SYNE2: variants seen among roughly 807,000 people sequenced by gnomAD.
SYNE2 encodes the protein nesprin-2.
SYNE2 carries 431 observed loss-of-function variants against 856.3 expected under a neutral mutation model. That is an observed-to-expected ratio of 0.50 (90% CI 0.47 to 0.55). SYNE2 has a LOEUF of 0.55. SYNE2 is among the 20% of genes least tolerant of loss of function. The pLI is 0.00. For synonymous variants in SYNE2, 2,923 were observed against 2,872.3 expected (o/e 1.02, Z -0.56); for missense variants, 8,129 against 8,023.2 (o/e 1.01, Z -0.50).
chr14:63,859,618 A>T (rs1391547942), intron 1 of SYNE2, among the ~76,000 whole-genome samples: 2 of 152,186 alleles, frequency 1.3e-5, no homozygotes, highest in Non-Finnish European at 2.9e-5. Flanking sequence ...AGAGCTGGAG[A>T]CCAGCCTGGC....
At chr14:63,900,573 G>A (rs112644085) in intron 1 of SYNE2, among the ~76,000 whole-genome samples, 5,929 of 152,196 alleles carry the variant, frequency 0.039, 404 homozygotes, top group African/African-American at 0.14. Flanking sequence ...ATGACACGTG[G>A]GAATTGTGGG....
intron 94 of SYNE2, among the ~76,000 whole-genome samples, chr14:64,171,740 G>A (rs2098411948): frequency 6.6e-6 from 1 of 152,236 alleles, no homozygotes; most frequent in Non-Finnish European, 1.5e-5. Context: ...AAGGCGGGTA[G>A]GGAGGAGTGT....
chr14:63,829,090 G>A (rs2139889530), intron 1 of SYNE2, among the ~76,000 whole-genome samples: 1 of 152,124 alleles, frequency 6.6e-6, no homozygotes, highest in Non-Finnish European at 1.5e-5. Flanking sequence ...TATTGCTGAT[G>A]GACATGTAAA....
At chr14:63,782,143 A>AC (rs1421318445) in intron 1 of SYNE2, among the ~76,000 whole-genome samples, 3 of 151,590 alleles carry the variant, frequency 2.0e-5, no homozygotes, top group East Asian at 1.9e-4. Flanking sequence ...CTCAAAAAAA[A>AC]AAAACCAAAA....
At chr14:63,815,773 A>T (rs1888955519) in intron 1 of SYNE2, among the ~76,000 whole-genome samples, 1 of 152,102 alleles carries the variant, frequency 6.6e-6, no homozygotes. Flanking sequence ...TGGGCCACTC[A>T]GAAAATTCAC....
chr14:64,132,758 C>G (rs939609613), intron 77 of SYNE2, among the ~76,000 whole-genome samples: 1 of 152,182 alleles, frequency 6.6e-6, no homozygotes, highest in Admixed American at 6.5e-5. Flanking sequence ...AAAAACTGTA[C>G]TTCTTCAAGA....
In SYNE2 at chr14:64,150,164, C is replaced by T. The variant is rs527761564; in HGVS notation, c.15640-2400C>T. Among the ~76,000 whole-genome samples the T allele has an allele frequency of 7.5e-3, 1,123 of 150,394 alleles. 5 individuals are homozygous for T. Among genetic ancestry groups the T allele is most frequent in the South Asian group, 0.014 (66 of 4,742 alleles). ...GCTCAAAATTAGCTGGGCATGGTGG[C>T]ACATGCCTGTAGCCTCAGCTACTTG... On this transcript the variant is annotated intron_variant, in intron 84 of 115. Transcript: ENST00000555002.
chr14:64,134,455 C>T (rs1307894465), intron 78 of SYNE2, among the ~76,000 whole-genome samples: 1 of 152,122 alleles, frequency 6.6e-6, no homozygotes, highest in African/African-American at 2.4e-5. Flanking sequence ...ACCTTGCTGT[C>T]CCTAAGCCTC....
Position 64,214,371 on chromosome 14 carries a change from G to A in SYNE2, c.19234G>A (p.Val6412Met), listed in dbSNP as rs755527635. 1.5e-5 allele frequency: 24 copies of A among 1,614,008 alleles called. No homozygotes were observed. The highest frequency in any genetic ancestry group is 3.3e-5 in the Admixed American group (2 of 59,990). The change falls in exon 106 of 116, where the codon GTG becomes ATG. Residue 6412 changes from valine (V) to methionine (M), a missense_variant. By Grantham distance (21) the Val-to-Met change is conservative. This residue lies in a region of SYNE2 where 5,410 missense variants were observed against 5,284.8 expected (regional missense o/e 1.02). Coordinates refer to ENST00000555002, the MANE Select transcript of SYNE2 (RefSeq NM_182914.3). ...ERSGCETPVS[V>M]DSIPLEWDHT... The stretch of plus-strand genomic sequence containing the variant: ...GTCTGGCTGCGAGACCCCTGTCAGC[G>A]TGGACTCCATCCCCCTGGAGTGGGA...
chr14:63,901,440 G>T (rs900478646), intron 1 of SYNE2, among the ~76,000 whole-genome samples: 1 of 151,846 alleles, frequency 6.6e-6, no homozygotes, highest in Non-Finnish European at 1.5e-5. Context: ...TTTTAAAAAC[G>T]CAGATAAAAA....
chr14:64,209,358 G>T, intron 101 of SYNE2, 70 bp from the exon 102 acceptor site: 1 of 1,612,830 alleles, frequency 6.2e-7, no homozygotes, highest in South Asian at 1.1e-5. Flanking sequence ...CGGGTGTCAG[G>T]GGATAAAAGA....
chr14:63,991,256 C>G, intron 21 of SYNE2, 141 bp downstream of exon 21: 1 of 889,728 alleles, frequency 1.1e-6, no homozygotes, highest in Non-Finnish European at 1.7e-6. Context: ...TATATTGTTC[C>G]CCTGAGGTTA....
intron 93 of SYNE2, among the ~76,000 whole-genome samples, chr14:64,169,747 A>T (rs544796940): frequency 3.3e-5 from 5 of 152,356 alleles, no homozygotes; most frequent in African/African-American, 1.2e-4. Context: ...CTTTCCCATA[A>T]TAAACAAGAG....
At chr14:63,805,456 G>A (rs373257498) in intron 1 of SYNE2, among the ~76,000 whole-genome samples, 2 of 152,192 alleles carry the variant, frequency 1.3e-5, no homozygotes, top group East Asian at 1.9e-4. Flanking sequence ...GCGCAATCCC[G>A]GCTCACTGCA....
intron 63 of SYNE2, among the ~76,000 whole-genome samples, chr14:64,100,996 A>T (rs1175275914): frequency 6.6e-6 from 1 of 152,034 alleles, no homozygotes; most frequent in African/African-American, 2.4e-5. Flanking sequence ...TTATTTTTTA[A>T]GGCCAGATAG....
Position 64,225,923 on chromosome 14 carries a change from C to G in SYNE2, c.*397C>G, listed in dbSNP as rs1341799159. 1 of 403,520 alleles carries G rather than the reference C, an allele frequency of 2.5e-6. No homozygotes were observed. Among genetic ancestry groups the G allele is most frequent in the South Asian group, 3.9e-5 (1 of 25,468 alleles). 25.0% of individuals were successfully genotyped at this position (403,520 alleles called of 1,614,324 possible). Reference sequence around the variant, plus strand: ...TAGAAGCAAGCGAGGACATTCCACCCTAGAAATGGTTCAGAAACTCATAGG... The same window carrying G: ...TAGAAGCAAGCGAGGACATTCCACCGTAGAAATGGTTCAGAAACTCATAGG... On this transcript the variant is annotated 3_prime_UTR_variant, in exon 116 of 116. Coordinates refer to ENST00000555002, the MANE Select transcript of SYNE2 (RefSeq NM_182914.3).
intron 109 of SYNE2, 69 bp from the exon 110 acceptor site, chr14:64,219,139 C>T: frequency 1.7e-6 from 2 of 1,170,802 alleles, no homozygotes; most frequent in Non-Finnish European, 2.5e-6. Context: ...ACCCTGACCC[C>T]TAATTAGCTG....
chr14:63,847,635 G>A (rs1236599049), intron 1 of SYNE2, among the ~76,000 whole-genome samples: 1 of 150,834 alleles, frequency 6.6e-6, no homozygotes, highest in Non-Finnish European at 1.5e-5. Context: ...GCCCAGGCTG[G>A]AGTGCAGTGG....
chr14:63,980,774 T>A (rs191348813), intron 15 of SYNE2, 42 bp downstream of exon 15: 2 of 1,350,498 alleles, frequency 1.5e-6, no homozygotes, highest in Admixed American at 1.7e-5. Flanking sequence ...GACTGTCACT[T>A]AACAGTGATG....
Sources: allele counts gnomAD v4.1 joint callset (sites outside exome capture counted in the v4.1 genomes callset), GRCh38; gene constraint gnomAD v4.1.1; regional missense constraint gnomAD v4.1.1; transcripts MANE v1.5; gene names NCBI Gene and HGNC (gene_info 2026-07-23, HGNC 2026-07-21).